The following BBOF1 variants were observed in gnomAD, a reference collection of about 807,000 sequenced individuals.
BBOF1 encodes the protein basal body-orientation factor 1.
BBOF1 carries 62 observed loss-of-function variants against 68.0 expected under a neutral mutation model. The observed-to-expected ratio is 0.91, with a 90% CI of 0.74 to 1.13. BBOF1 has a LOEUF of 1.13. Among genes scored for constraint, BBOF1 ranks in the 50% most tolerant of loss-of-function variants. The pLI is 0.00. For missense variants in BBOF1, 534 were observed against 600.1 expected, an observed-to-expected ratio of 0.89 and a Z score of 1.15; for synonymous variants, 208 against 198.8, an observed-to-expected ratio of 1.05 and a Z score of -0.39.
chr14:74,037,274 C>CTTTT (rs892262272), intron 4 of BBOF1, among the ~76,000 whole-genome samples: 23 of 66,018 alleles, frequency 3.5e-4, no homozygotes, highest in Non-Finnish European at 5.2e-4. Context: ...CGCCTGGCCT[C>CTTTT]TTTTTTTTTT....
At chr14:74,045,289 T>C (rs2059924657) in intron 5 of BBOF1, among the ~76,000 whole-genome samples, 1 of 149,744 alleles carries the variant, frequency 6.7e-6, no homozygotes, top group African/African-American at 2.5e-5. Context: ...TGGTAATTAT[T>C]AATGCTCATA....
chr14:74,036,108 T>C (rs2059692850), intron 4 of BBOF1, among the ~76,000 whole-genome samples: 2 of 151,754 alleles, frequency 1.3e-5, no homozygotes, highest in South Asian at 4.2e-4. Context: ...CACGCTAGAG[T>C]GCAGTGGCGC....
chr14:74,019,606 T>C, intron 1 of BBOF1, 72 bp downstream of exon 1: 4 of 1,538,652 alleles, frequency 2.6e-6, no homozygotes, highest in Admixed American at 4.0e-5. Flanking sequence ...GCTGGCAACC[T>C]GGCGCCCCCC....
chr14:74,077,702 G>C (rs1258668535), intron 9 of BBOF1, among the ~76,000 whole-genome samples: 2 of 152,110 alleles, frequency 1.3e-5, no homozygotes, highest in African/African-American at 4.8e-5. Flanking sequence ...CCTCCCACTA[G>C]GTCCCAACAC....
chr14:74,022,289 T>G (rs35052753), intron 1 of BBOF1, among the ~76,000 whole-genome samples: 17,420 of 152,178 alleles, frequency 0.11, 1,306 homozygotes, highest in Admixed American at 0.19. Flanking sequence ...GGCTCACACC[T>G]GTAATCTCAG....
chr14:74,029,125 A>G, intron 2 of BBOF1, 59 bp from the exon 3 acceptor site: 1 of 1,034,850 alleles, frequency 9.7e-7, no homozygotes, highest in African/African-American at 1.6e-5. Flanking sequence ...TCTACTTAAT[A>G]AAGGTAGACA....
chr14:74,059,820 G>A (rs2060301291), intron 11 of BBOF1: 2 of 154,858 alleles, frequency 1.3e-5, no homozygotes, highest in Non-Finnish European at 2.9e-5. Context: ...TTTATCCATT[G>A]CTTACTGAGG....
intron 4 of BBOF1, among the ~76,000 whole-genome samples, chr14:74,036,653 C>T (rs1425365989): frequency 1.5e-5 from 2 of 137,322 alleles, no homozygotes; most frequent in African/African-American, 2.8e-5. Context: ...CACTGTACTC[C>T]AGCCTGGGTG....
chr14:74,038,276 A>G (rs1276600981), intron 4 of BBOF1, among the ~76,000 whole-genome samples: 7 of 152,250 alleles, frequency 4.6e-5, no homozygotes, highest in Admixed American at 4.6e-4. Context: ...GTTATGTTTT[A>G]TATGAAAATG....
chr14:74,046,430 C>T (rs1054590314), intron 6 of BBOF1, among the ~76,000 whole-genome samples: 11 of 152,096 alleles, frequency 7.2e-5, no homozygotes, highest in African/African-American at 1.7e-4. Flanking sequence ...TGGAGTGCAG[C>T]GGCATGAGCT....
downstream of BBOF1, among the ~76,000 whole-genome samples, chr14:74,068,333 G>A (rs1324536913): frequency 6.6e-6 from 1 of 150,698 alleles, no homozygotes; most frequent in African/African-American, 2.4e-5. Context: ...GAGCTGAGAT[G>A]GCACCACTGC....
chr14:74,029,335 A>G, intron 3 of BBOF1, 86 bp downstream of exon 3: 1 of 784,462 alleles, frequency 1.3e-6, no homozygotes, highest in Middle Eastern at 2.3e-4. Context: ...AATGACAGTG[A>G]GTGAGTAAGT....
intron 8 of BBOF1, among the ~76,000 whole-genome samples, chr14:74,052,074 T>C (rs1221476708): frequency 6.6e-6 from 1 of 151,872 alleles, no homozygotes; most frequent in Non-Finnish European, 1.5e-5. Flanking sequence ...CTACTACTGT[T>C]ACCAAGAGAT....
At chr14:74,043,227 C>T (rs1390016321) in intron 5 of BBOF1, among the ~76,000 whole-genome samples, 7 of 151,996 alleles carry the variant, frequency 4.6e-5, no homozygotes, top group Non-Finnish European at 7.4e-5. Context: ...ATCACAAAGC[C>T]CTGTCCTACA....
In BBOF1 at chr14:74,020,653, G is replaced by A. The variant is rs545523497; in HGVS notation, c.56+1119G>A. Among the ~76,000 whole-genome samples the A allele has an allele frequency of 1.3e-4, 20 of 152,150 alleles. No homozygotes were observed. In the South Asian group the frequency reaches 3.9e-3, roughly 30 times the overall value. ...CGAGTAGCTGTGATTACAGGCACCCGTCACCACGCCCAGCTAATTTTTTTA... is the reference window on the plus strand; with the variant it reads ...CGAGTAGCTGTGATTACAGGCACCCATCACCACGCCCAGCTAATTTTTTTA... On this transcript the variant is annotated intron_variant, in intron 1 of 11. Transcript: ENST00000394009.
At chr14:74,044,806 T>G (rs1250798694) in intron 5 of BBOF1, among the ~76,000 whole-genome samples, 1 of 152,014 alleles carries the variant, frequency 6.6e-6, no homozygotes, top group Non-Finnish European at 1.5e-5. Context: ...GTGCCTGTAA[T>G]CCCAGGTACT....
At chr14:74,063,874 A>G (rs1489061497) in intron 11 of BBOF1, among the ~76,000 whole-genome samples, 1 of 151,682 alleles carries the variant, frequency 6.6e-6, no homozygotes, top group Non-Finnish European at 1.5e-5. Context: ...TCAAAAAAAA[A>G]AAAAAAATTA....
chr14:74,046,952 T>G (rs1029446120), intron 6 of BBOF1: 2 of 152,240 alleles, frequency 1.3e-5, no homozygotes, highest in African/African-American at 4.8e-5. Flanking sequence ...GGTCTCGAAC[T>G]CCGGGGCTCA....
At chr14:74,054,388 T>G (rs1429652713) in intron 8 of BBOF1, among the ~76,000 whole-genome samples, 1 of 151,524 alleles carries the variant, frequency 6.6e-6, no homozygotes, top group African/African-American at 2.4e-5. Flanking sequence ...TTTTGTTGTT[T>G]TTTTTTTTGA....
Sources: gnomAD v4.1 joint callset for allele counts (sites outside exome capture counted in the v4.1 genomes callset) on GRCh38, gnomAD v4.1.1 for gene constraint, MANE v1.5 for transcripts, NCBI Gene and HGNC (gene_info 2026-07-23, HGNC 2026-07-21) for gene names.